B3GAT3: variants seen among roughly 807,000 people sequenced by gnomAD.
B3GAT3 encodes the protein beta-1,3-glucuronyltransferase 3, also known as galactosylgalactosylxylosylprotein 3-beta-glucuronosyltransferase 3.
In B3GAT3, 19 loss-of-function variants were observed where a neutral mutation model predicts 33.1. The observed-to-expected ratio is 0.57, with a 90% CI of 0.40 to 0.84. The LOEUF (loss-of-function observed/expected upper bound fraction) is 0.84. B3GAT3 is among the 40% of genes least tolerant of loss of function. The probability of loss-of-function intolerance (pLI) is 0.00; values close to 1 mark genes in which losing one functional copy is unlikely to be tolerated. For missense variants in B3GAT3, 344 were observed against 441.5 expected, an observed-to-expected ratio of 0.78 and a Z score of 1.98; for synonymous variants, 167 against 193.5, an observed-to-expected ratio of 0.86 and a Z score of 1.14.
chr11:62,618,177 C>CAAAAAAAAAAAAAAAAAAAAAAAA (rs150492409), intron 2 of B3GAT3, among the ~76,000 whole-genome samples: 2 of 46,274 alleles, frequency 4.3e-5, no homozygotes, highest in Non-Finnish European at 7.3e-5. Flanking sequence ...AACTCTGTCT[C>CAAAAAAAAAAAAAAAAAAAAAAAA]AAAAAAAAAA....
At chr11:62,615,822 A>C in intron 4 of B3GAT3, 23 bp from the exon 5 acceptor site, 1 of 1,612,014 alleles carries the variant, frequency 6.2e-7, no homozygotes, top group South Asian at 1.1e-5. Context: ...GGATGCAGTG[A>C]GAGCCAGGCC....
Position 62,621,938 on chromosome 11 carries a change from T to C in B3GAT3, c.10A>G (p.Lys4Glu). Residue 4 changes from lysine to glutamate, a missense_variant, in exon 1 of 5, where the codon AAG (lysine) becomes GAG (glutamate). Coordinates refer to ENST00000265471, the MANE Select transcript of B3GAT3 (RefSeq NM_012200.4). The stretch of plus-strand genomic sequence containing the variant: ...TAGGCGAGAAACACGTTCTTCAGCT[T>C]CAGCTTCATGGCCGCGCCGCCGCCC... MKL[K>E]LKNVFLAYFL... 6.2e-7 allele frequency: 1 copy of C among 1,612,882 alleles called. No individual in the cohort carries two copies. Among genetic ancestry groups the C allele is most frequent in the Non-Finnish European group, 8.5e-7 (1 of 1,179,304 alleles).
intron 4 of B3GAT3, chr11:62,616,146 A>C: frequency 1.9e-6 from 1 of 534,182 alleles, no homozygotes; most frequent in Non-Finnish European, 3.2e-6. Flanking sequence ...TGGGAGGCTG[A>C]GGCAGGAGAA....
At chr11:62,620,779 G>A in intron 1 of B3GAT3, 108 bp from the exon 2 acceptor site, 2 of 1,133,678 alleles carry the variant, frequency 1.8e-6, no homozygotes, top group Admixed American at 2.2e-5. Flanking sequence ...ACCAATGCAG[G>A]TATCACCTTA....
chr11:62,616,035 A>G (rs1416788819), intron 4 of B3GAT3: 2 of 1,271,270 alleles, frequency 1.6e-6, no homozygotes, highest in Non-Finnish European at 2.1e-6. Context: ...CGAGGTCAGG[A>G]GATTGAGACC....
chr11:62,620,385 G>C, intron 2 of B3GAT3, 112 bp downstream of exon 2: 1 of 987,780 alleles, frequency 1.0e-6, no homozygotes, highest in South Asian at 1.4e-5. Flanking sequence ...TCCTGTCTTT[G>C]GCATGCTCTA....
chr11:62,617,284 A>G lies in B3GAT3; in HGVS notation c.321T>C (p.His107=), dbSNP rs769476616. The part of the protein sequence containing the change: ...SQTLSLVPRL[H]WLLVEDAEGP... ...CCTCAGCATCCTCCACCAGCAGCCAATGCAGCCGGGGCACCAGGCTCAGTG... is the reference window on the plus strand; with the variant it reads ...CCTCAGCATCCTCCACCAGCAGCCAGTGCAGCCGGGGCACCAGGCTCAGTG... The change falls in exon 3 of 5, where the codon CAT becomes CAC. Residue 107 remains histidine, a synonymous_variant. Coordinates refer to ENST00000265471, the MANE Select transcript of B3GAT3 (RefSeq NM_012200.4). 25 of 1,613,288 alleles carry G rather than the reference A, an allele frequency of 1.5e-5. No individual in the cohort carries two copies. Among genetic ancestry groups the G allele is most frequent in the South Asian group, 8.8e-5 (8 of 91,078 alleles).
At chr11:62,621,176 T>C (rs900872380) in intron 1 of B3GAT3, 1 of 456,526 alleles carries the variant, frequency 2.2e-6, no homozygotes, top group Non-Finnish European at 4.4e-6. Flanking sequence ...GTAGGATAAA[T>C]ATTTATTGAA....
chr11:62,619,893 C>T (rs930841157), intron 2 of B3GAT3, among the ~76,000 whole-genome samples: 6 of 151,866 alleles, frequency 4.0e-5, no homozygotes, highest in African/African-American at 1.4e-4. Flanking sequence ...GCCAAACGGT[C>T]CCTAAGGAGA....
In B3GAT3 at chr11:62,617,065, G is replaced by T; in HGVS notation, c.540C>A (p.Asp180Glu). ...GRGGAVGGEK[D>E]PPPPGTQGVV... ...CTCCTTGGGTCCCTGGTGGTGGTGG[G>T]TCCTTCTCCCCACCCACAGCACCCC... Residue 180 changes from aspartate to glutamate, a missense_variant, in exon 3 of 5, where the codon GAC becomes GAA. Asp to Glu is a conservative substitution (Grantham distance 45). Transcript: ENST00000265471. The T allele has an allele frequency of 6.2e-7, 1 of 1,614,106 alleles. No individual in the cohort carries two copies. The highest frequency in any genetic ancestry group is 1.1e-5 in the South Asian group (1 of 91,084).
chr11:62,615,934 AAG>A (rs1485248546), intron 4 of B3GAT3, 135 bp from the exon 5 acceptor site: 3 of 1,524,478 alleles, frequency 2.0e-6, no homozygotes, highest in Non-Finnish European at 2.6e-6. Flanking sequence ...AGGGTGGAGG[AAG>A]ACTTAGTGCC....
intron 4 of B3GAT3, 134 bp from the exon 5 acceptor site, chr11:62,615,933 G>T: frequency 2.0e-6 from 3 of 1,525,050 alleles, no homozygotes; most frequent in Non-Finnish European, 2.6e-6. Flanking sequence ...CAGGGTGGAG[G>T]AAGACTTAGT....
rs1161839317 is a variant in B3GAT3, at chr11:62,618,191, A to AAC, written c.258-845_258-844insGT. On this transcript the variant is annotated intron_variant, in intron 2 of 4. Coordinates refer to ENST00000265471, the MANE Select transcript of B3GAT3 (RefSeq NM_012200.4). Reference sequence around the variant, plus strand: ...AAACTCTGTCTCAAAAAAAAAAAAAAAAAAAAAAAAAAACAAATTAAGGGC... The same window carrying AAC: ...AAACTCTGTCTCAAAAAAAAAAAAAAACAAAAAAAAAAAAACAAATTAAGGGC... Among the ~76,000 whole-genome samples the AAC allele has an allele frequency of 1.4e-3, 205 of 150,828 alleles. 8 individuals carry two copies. The East Asian group carries it at 0.036, about 27-fold the overall frequency.
intron 2 of B3GAT3, among the ~76,000 whole-genome samples, chr11:62,618,198 AAAAAAAC>A (rs1943072605): frequency 6.6e-6 from 1 of 151,072 alleles, no homozygotes; most frequent in African/African-American, 2.4e-5. Flanking sequence ...AAAAAAAAAA[AAAAAAAC>A]AAATTAAGGG....
intron 2 of B3GAT3, among the ~76,000 whole-genome samples, chr11:62,618,454 A>C (rs1943076824): frequency 6.6e-6 from 1 of 151,654 alleles, no homozygotes; most frequent in Admixed American, 6.6e-5. Flanking sequence ...TGAGGTCAGG[A>C]GATCGAGACC....
intron 2 of B3GAT3, among the ~76,000 whole-genome samples, chr11:62,620,263 T>A (rs997119130): frequency 6.6e-6 from 1 of 152,204 alleles, no homozygotes; most frequent in Admixed American, 6.5e-5. Flanking sequence ...CCTCAGGTGA[T>A]CCACCCGCCT....
At chr11:62,620,433 C>T in intron 2 of B3GAT3, 64 bp downstream of exon 2, 1 of 1,522,670 alleles carries the variant, frequency 6.6e-7, no homozygotes, top group Non-Finnish European at 9.0e-7. Flanking sequence ...CCTCCCCAAA[C>T]TCCTCATCAT....
At chr11:62,616,879 C>T in intron 3 of B3GAT3, 83 bp from the exon 4 acceptor site, 1 of 1,612,070 alleles carries the variant, frequency 6.2e-7, no homozygotes. Flanking sequence ...CACTCTGCCC[C>T]ACTGCTTCCA....
At chr11:62,621,739 G>A (rs1410579456) in intron 1 of B3GAT3, 127 bp downstream of exon 1, 2 of 1,043,362 alleles carry the variant, frequency 1.9e-6, no homozygotes, top group East Asian at 2.6e-5. Flanking sequence ...GTGCGCCTGA[G>A]GCCGCAGAGC....
Sources: gnomAD v4.1 joint callset for allele counts (sites outside exome capture counted in the v4.1 genomes callset) on GRCh38, gnomAD v4.1.1 for gene constraint, MANE v1.5 for transcripts, NCBI Gene and HGNC (gene_info 2026-07-23, HGNC 2026-07-21) for gene names.